The following CEP63 variants were observed in gnomAD, a reference collection of about 807,000 sequenced individuals.
CEP63 encodes the protein centrosomal protein of 63 kDa.
A neutral mutation model predicts 89.1 loss-of-function variants in CEP63; 84 were observed. The observed-to-expected ratio is 0.94, with a 90% CI of 0.79 to 1.13. The LOEUF (loss-of-function observed/expected upper bound fraction) is 1.13. Among genes scored for constraint, CEP63 ranks in the 50% most tolerant of loss-of-function variants. The probability of loss-of-function intolerance (pLI) is 0.00; values close to 1 mark genes in which losing one functional copy is unlikely to be tolerated. For synonymous variants in CEP63, 267 were observed against 272.5 expected (o/e 0.98, Z 0.20); for missense variants, 838 against 813.3 (o/e 1.03, Z -0.37).
the CEP63 span, among the ~76,000 whole-genome samples, chr3:134,658,805 G>T: frequency 6.6e-6 from 1 of 152,204 alleles, no homozygotes; most frequent in African/African-American, 2.4e-5. Flanking sequence ...AGACAGCGCT[G>T]CTCAGTCCCA....
chr3:134,701,350 A>G, the CEP63 span, among the ~76,000 whole-genome samples: 308 of 19,746 alleles, frequency 0.016, 40 homozygotes, highest in Middle Eastern at 0.083. Flanking sequence ...ATACGTATAT[A>G]TGTGTATATA....
At chr3:134,498,298 A>AT (rs144054820) in intron 2 of CEP63, among the ~76,000 whole-genome samples, 59 of 144,840 alleles carry the variant, frequency 4.1e-4, no homozygotes, top group South Asian at 1.1e-3. Context: ...AATCCTAGGT[A>AT]TTTTTTTTTT....
the CEP63 span, chr3:134,627,727 G>T: frequency 1.2e-6 from 2 of 1,604,966 alleles, no homozygotes; most frequent in African/African-American, 1.3e-5. Context: ...GCTCTCTTGA[G>T]AATTGTCCTG....
the CEP63 span, chr3:134,604,377 C>T: frequency 6.2e-7 from 1 of 1,614,040 alleles, no homozygotes. Flanking sequence ...TCCCATTCTT[C>T]CTTAGGCTCA....
the CEP63 span, among the ~76,000 whole-genome samples, chr3:134,681,307 G>T: frequency 2.6e-5 from 4 of 152,198 alleles, no homozygotes; most frequent in Admixed American, 2.6e-4. Flanking sequence ...GACGATCTGT[G>T]AACACGTGGC....
At chr3:134,771,311 A>G in the CEP63 span, among the ~76,000 whole-genome samples, 1 of 152,340 alleles carries the variant, frequency 6.6e-6, no homozygotes, top group Admixed American at 6.5e-5. Flanking sequence ...CTTTGCAGGG[A>G]CATGGATGAA....
chr3:134,611,406 C>G, the CEP63 span, among the ~76,000 whole-genome samples: 14 of 152,332 alleles, frequency 9.2e-5, no homozygotes, highest in South Asian at 6.2e-4. Flanking sequence ...TGGTCTTGCT[C>G]CTCAGCAGCC....
At chr3:134,501,404 T>C (rs1481367154) in intron 2 of CEP63, among the ~76,000 whole-genome samples, 1 of 152,236 alleles carries the variant, frequency 6.6e-6, no homozygotes, top group Non-Finnish European at 1.5e-5. Flanking sequence ...GTATTGAATC[T>C]ATAGGTTGCT....
At chr3:134,589,589 C>A (rs866484785), downstream of CEP63, among the ~76,000 whole-genome samples, 96 of 146,984 alleles carry the variant, frequency 6.5e-4, no homozygotes, top group South Asian at 1.5e-3. Flanking sequence ...ATTAAAATGT[C>A]AAAAAAAAAA....
chr3:134,631,921 T>C, the CEP63 span, among the ~76,000 whole-genome samples: 1 of 152,226 alleles, frequency 6.6e-6, no homozygotes, highest in South Asian at 2.1e-4. Flanking sequence ...AAGATTAAAC[T>C]ATATTCACTT....
intron 3 of CEP63, among the ~76,000 whole-genome samples, chr3:134,515,290 A>G (rs1228597616): frequency 6.6e-6 from 1 of 152,248 alleles, no homozygotes; most frequent in East Asian, 1.9e-4. Flanking sequence ...GAGCTTATTA[A>G]GTACAAATAT....
chr3:134,701,337 C>CGTATATATGTGTAT, the CEP63 span, among the ~76,000 whole-genome samples: 8 of 51,446 alleles, frequency 1.6e-4, no homozygotes, highest in African/African-American at 6.0e-4. Context: ...TATACACACA[C>CGTATATATGTGTAT]ATATACGTAT....
At chr3:134,750,035 G>C in the CEP63 span, among the ~76,000 whole-genome samples, 345 of 152,318 alleles carry the variant, frequency 2.3e-3, no homozygotes, top group African/African-American at 7.8e-3. Context: ...GTAAGCAAAG[G>C]CTCCCCTGAG....
chr3:134,725,235 G>A, the CEP63 span, among the ~76,000 whole-genome samples: 404 of 152,138 alleles, frequency 2.7e-3, 2 homozygotes, highest in African/African-American at 8.8e-3. Context: ...ATTTGTAATC[G>A]TCTATAATTT....
intron 3 of CEP63, among the ~76,000 whole-genome samples, chr3:134,522,764 C>T (rs939008887): frequency 1.3e-5 from 2 of 152,080 alleles, no homozygotes; most frequent in African/African-American, 2.4e-5. Context: ...TTTATGGCTG[C>T]ATAGTATTCC....
chr3:134,525,121 T>A (rs898039261), intron 3 of CEP63, among the ~76,000 whole-genome samples: 7 of 152,218 alleles, frequency 4.6e-5, no homozygotes, highest in Non-Finnish European at 1.0e-4. Context: ...ATGGTGTATG[T>A]GTCCACGAAT....
At chr3:134,750,687 C>T in the CEP63 span, among the ~76,000 whole-genome samples, 10 of 152,276 alleles carry the variant, frequency 6.6e-5, no homozygotes, top group South Asian at 2.1e-3. Flanking sequence ...TCCTACAAGC[C>T]ATGTATTGAT....
the CEP63 span, among the ~76,000 whole-genome samples, chr3:134,637,964 T>C: frequency 2.6e-5 from 4 of 152,242 alleles, no homozygotes; most frequent in African/African-American, 9.6e-5. Context: ...CTTTCTGTGA[T>C]TCCTCTTCCC....
At chr3:134,650,820 G>GT in the CEP63 span, 12 of 1,579,712 alleles carry the variant, frequency 7.6e-6, no homozygotes, top group Non-Finnish European at 1.0e-5. Context: ...TCGGGCGCGC[G>GT]TTACCTCCTC....
Sources: gnomAD v4.1 joint callset for allele counts (sites outside exome capture counted in the v4.1 genomes callset) on GRCh38, gnomAD v4.1.1 for gene constraint, MANE v1.5 for transcripts, NCBI Gene and HGNC (gene_info 2026-07-23, HGNC 2026-07-21) for gene names.